SLC2A9: variants seen among roughly 807,000 people sequenced by gnomAD.
SLC2A9 encodes solute carrier family 2 member 9.
SLC2A9 carries 39 observed loss-of-function variants against 50.6 expected under a neutral mutation model. That is an observed-to-expected ratio of 0.77 (90% confidence interval 0.60 to 1.01). The LOEUF (loss-of-function observed/expected upper bound fraction) is 1.01. Ranked by LOEUF, SLC2A9 falls within the 50% of genes least tolerant of loss-of-function variation. The pLI is 0.00. For synonymous variants in SLC2A9, 324 were observed against 276.9 expected (o/e 1.17, Z -1.69); for missense variants, 686 against 677.6 (o/e 1.01, Z -0.14).
intron 10 of SLC2A9, among the ~76,000 whole-genome samples, chr4:9,842,604 T>C (rs1451208888): frequency 6.6e-6 from 1 of 152,200 alleles, no homozygotes; most frequent in Non-Finnish European, 1.5e-5. Context: ...TCTGACCATG[T>C]CCTTTTGATG....
intron 2 of SLC2A9, among the ~76,000 whole-genome samples, chr4:10,018,174 G>C (rs923400656): frequency 6.6e-6 from 1 of 152,220 alleles, no homozygotes; most frequent in Non-Finnish European, 1.5e-5. Context: ...ACCTGGATCT[G>C]ATTTCAGAGT....
At chr4:9,797,298 A>G (rs1298199000), downstream of SLC2A9, among the ~76,000 whole-genome samples, 5 of 152,338 alleles carry the variant, frequency 3.3e-5, no homozygotes, top group African/African-American at 7.2e-5. Context: ...AGACAAATAA[A>G]CTGGGACTCA....
At chr4:10,039,786 C>T (rs920077392) in intron 1 of SLC2A9, among the ~76,000 whole-genome samples, 20 of 152,218 alleles carry the variant, frequency 1.3e-4, no homozygotes, top group Non-Finnish European at 1.5e-5. Flanking sequence ...TTCTCAAAAG[C>T]AGGCAGTGTC....
At chr4:9,781,835 G>A (rs1284898172) in intron 3 of SLC2A9, 11 of 472,226 alleles carry the variant, frequency 2.3e-5, no homozygotes, top group African/African-American at 4.1e-5. Flanking sequence ...CGGCCATGGA[G>A]CCAGAGGCGC....
At chr4:9,992,491 C>G (rs2109239557) in intron 3 of SLC2A9, among the ~76,000 whole-genome samples, 1 of 152,294 alleles carries the variant, frequency 6.6e-6, no homozygotes, top group South Asian at 2.1e-4. Flanking sequence ...GTCAAATGTC[C>G]CCTGATGAGG....
intron 6 of SLC2A9, among the ~76,000 whole-genome samples, chr4:9,926,245 T>C (rs6843447): frequency 3.2e-5 from 4 of 123,798 alleles, no homozygotes; most frequent in East Asian, 2.2e-4. Context: ...GGGTGCTCAC[T>C]AATGCAAACA....
chr4:9,773,287 T>C (rs1717089419), intron 1 of SLC2A9, among the ~76,000 whole-genome samples: 1 of 152,098 alleles, frequency 6.6e-6, no homozygotes, highest in Admixed American at 6.5e-5. Flanking sequence ...TTCCCTGCCC[T>C]GTGCCAAGCT....
chr4:9,978,704 T>A (rs1337864372), intron 5 of SLC2A9, among the ~76,000 whole-genome samples: 1 of 152,180 alleles, frequency 6.6e-6, no homozygotes, highest in African/African-American at 2.4e-5. Flanking sequence ...AAATGTAAAA[T>A]GTGAGTTGTT....
At chr4:9,806,990 G>A (rs1462532744) in intron 3 of SLC2A9, among the ~76,000 whole-genome samples, 1 of 152,174 alleles carries the variant, frequency 6.6e-6, no homozygotes, top group African/African-American at 2.4e-5. Flanking sequence ...CACTTTTCCA[G>A]CTGACTGACA....
chr4:9,975,418 A>G (rs1754622401), intron 5 of SLC2A9, among the ~76,000 whole-genome samples: 1 of 152,190 alleles, frequency 6.6e-6, no homozygotes, highest in South Asian at 2.1e-4. Flanking sequence ...AAAAACAAAT[A>G]ACCCCATTAA....
Position 9,890,593 on chromosome 4 carries a change from C to G in SLC2A9, c.1215+17G>C. The G allele has an allele frequency of 6.2e-7, 1 of 1,612,776 alleles. No individual in the cohort carries two copies. The highest frequency in any genetic ancestry group is 8.5e-7 in the Non-Finnish European group (1 of 1,178,744). On this transcript the variant is annotated intron_variant, in intron 9 of 11. Coordinates refer to ENST00000264784, the MANE Select transcript of SLC2A9 (RefSeq NM_020041.3). ...CCATGCTTATCTCCCTCAAATGTGA[C>G]AAGAACATCGTCTCACCTGCAGGGT...
In SLC2A9 at chr4:9,942,121, G is replaced by A. The variant is rs1748269815; in HGVS notation, c.682-76C>T. On this transcript the variant is annotated intron_variant, in intron 5 of 11. Coordinates refer to ENST00000264784, the MANE Select transcript of SLC2A9 (RefSeq NM_020041.3). ...AGGGGACTGGGCCACTGGACCAGGT[G>A]GTTTCGACCCTGCAGAAGGTCTTCC... The A allele has an allele frequency of 1.1e-5, 18 of 1,584,816 alleles. No homozygotes were observed. The Admixed American group carries it at 1.8e-4, about 16-fold the overall frequency.
intron 7 of SLC2A9, among the ~76,000 whole-genome samples, chr4:9,915,731 T>C (rs1742741126): frequency 6.6e-6 from 1 of 152,208 alleles, no homozygotes; most frequent in African/African-American, 2.4e-5. Context: ...GGAGGGTCTC[T>C]TCTCAGCTTT....
At chr4:10,026,058 G>A, upstream of SLC2A9, 1 of 1,346,716 alleles carries the variant, frequency 7.4e-7, no homozygotes, top group South Asian at 1.2e-5. Flanking sequence ...TCTCAGATGT[G>A]CAAGTCAGGG....
intron 5 of SLC2A9, among the ~76,000 whole-genome samples, chr4:9,961,528 C>T (rs956764664): frequency 6.6e-6 from 1 of 152,164 alleles, no homozygotes; most frequent in Non-Finnish European, 1.5e-5. Context: ...TGGACCCCTT[C>T]CTTACACCTT....
chr4:9,862,995 C>G (rs1174581182), intron 10 of SLC2A9, among the ~76,000 whole-genome samples: 1 of 152,016 alleles, frequency 6.6e-6, no homozygotes, highest in Non-Finnish European at 1.5e-5. Context: ...CAATAAAGCA[C>G]AATGAATGTG....
At chr4:9,909,357 C>G (rs1230413882) in intron 7 of SLC2A9, among the ~76,000 whole-genome samples, 1 of 152,170 alleles carries the variant, frequency 6.6e-6, no homozygotes, top group Non-Finnish European at 1.5e-5. Context: ...GATGTGTGGT[C>G]TTGGAGTTGC....
chr4:10,003,182 G>C (rs539070749), intron 2 of SLC2A9, among the ~76,000 whole-genome samples: 1 of 152,190 alleles, frequency 6.6e-6, no homozygotes. Context: ...ACTCTTGCAC[G>C]TGAACTTGCT....
At chr4:9,783,926 T>C (rs1234320190) in intron 3 of SLC2A9, 2 of 173,230 alleles carry the variant, frequency 1.2e-5, no homozygotes, top group South Asian at 1.9e-4. Context: ...ATTTCTTCTC[T>C]CTGTGCTGGT....
Sources: gnomAD v4.1 joint callset for allele counts (sites outside exome capture counted in the v4.1 genomes callset) on GRCh38, gnomAD v4.1.1 for gene constraint, MANE v1.5 for transcripts, NCBI Gene and HGNC (gene_info 2026-07-23, HGNC 2026-07-21) for gene names.